Variants in ZFP28 observed in about 807,000 individuals in gnomAD.
ZFP28 encodes the protein zinc finger protein 28 homolog.
Under a neutral mutation model 39.5 loss-of-function variants are expected in ZFP28, and 31 were observed. The ratio of observed to expected loss-of-function variants is 0.79; its 90% CI spans 0.59 to 1.06. The LOEUF (loss-of-function observed/expected upper bound fraction) is 1.06, where lower values mean the gene tolerates loss of function less well. Ranked by LOEUF, ZFP28 falls within the 50% of genes least tolerant of loss-of-function variation. ZFP28 has a pLI of 0.00. For missense variants in ZFP28, 925 were observed against 1,048.4 expected, an observed-to-expected ratio of 0.88 and a Z score of 1.63; for synonymous variants, 400 against 378.6, an observed-to-expected ratio of 1.06 and a Z score of -0.66.
chr19:56,555,091 G>T lies in ZFP28; in HGVS notation c.2306G>T (p.Arg769Leu). Residue 769 changes from arginine (R) to leucine (L), a missense_variant, in exon 8 of 8, where the codon CGT (arginine) becomes CTT (leucine). Arg to Leu is a moderately radical substitution (Grantham distance 102, BLOSUM62 -2). This residue lies in a region of ZFP28 where 369 missense variants were observed against 505.5 expected (regional missense o/e 0.73). Coordinates refer to ENST00000301318, the MANE Select transcript of ZFP28 (RefSeq NM_020828.2). The stretch of plus-strand genomic sequence containing the variant: ...GTGTGTGGCAAAGCCTTTAGTCATC[G>T]TCAATCCCTTAGTGTACATCAGAGA... ...CSVCGKAFSH[R>L]QSLSVHQRIH... is the part of the protein sequence containing the mutation. The T allele has an allele frequency of 2.5e-6, 4 of 1,614,168 alleles. No individual in the cohort carries two copies. Among genetic ancestry groups the T allele is most frequent in the Non-Finnish European group, 1.7e-6 (2 of 1,180,024 alleles).
Position 56,550,164 on chromosome 19 carries a change from G to A in ZFP28, c.785G>A (p.Ser262Asn). 1 of 1,611,694 alleles carries A rather than the reference G, an allele frequency of 6.2e-7. No individual in the cohort carries two copies. ...AAGAATGGGATATGGGAGAACAACAGTGACCTGGGATCAGCAGGTAAGGAT... is the reference window on the plus strand; with the variant it reads ...AAGAATGGGATATGGGAGAACAACAATGACCTGGGATCAGCAGGTAAGGAT... The part of the protein sequence containing the change: ...FCKNGIWENN[S>N]DLGSAGHCVA... Residue 262 changes from serine to asparagine, a missense_variant, in exon 6 of 8, where the codon AGT becomes AAT. This residue lies in a region of ZFP28 where 556 missense variants were observed against 542.9 expected (regional missense o/e 1.02). Transcript: ENST00000301318.
chr19:56,554,089 T>G lies in ZFP28; in HGVS notation c.1304T>G (p.Leu435Arg). The G allele has an allele frequency of 1.2e-6, 2 of 1,614,230 alleles. No homozygotes were observed. The highest frequency in any genetic ancestry group is 8.5e-7 in the Non-Finnish European group (1 of 1,180,040). The change falls in exon 8 of 8, where the codon CTT (leucine) becomes CGT (arginine). Residue 435 changes from leucine (L) to arginine (R), a missense_variant. This residue lies in a region of ZFP28 where 556 missense variants were observed against 542.9 expected (regional missense o/e 1.02). Coordinates refer to ENST00000301318, the MANE Select transcript of ZFP28 (RefSeq NM_020828.2). This position sits in a 1 kb window ranked among gnomAD's most constrained non-coding sequence, Gnocchi z 6.7. ...CKKTFTQSSS[L>R]TVHQRIHTGE... The stretch of plus-strand genomic sequence containing the variant: ...AAAACTTTTACCCAGAGCTCATCTC[T>G]TACTGTTCATCAGAGAATTCACACT...
At chr19:56,538,312 G>C (rs1037988675), upstream of ZFP28, 1 of 152,458 alleles carries the variant, frequency 6.6e-6, no homozygotes, top group Admixed American at 6.5e-5. Flanking sequence ...CTTCCCGGTC[G>C]GCAGTGACGC....
chr19:56,541,684 C>G (rs2044196400), intron 2 of ZFP28, among the ~76,000 whole-genome samples: 4 of 151,986 alleles, frequency 2.6e-5, no homozygotes, highest in Admixed American at 2.6e-4. Context: ...AATTTCAGAG[C>G]CTCCTACCTG....
intron 2 of ZFP28, among the ~76,000 whole-genome samples, chr19:56,540,850 T>G (rs1318057800): frequency 1.3e-5 from 2 of 152,206 alleles, no homozygotes; most frequent in Non-Finnish European, 2.9e-5. Context: ...TTTTTTCCCT[T>G]GGCTACTGGG....
chr19:56,550,260 A>AG, intron 6 of ZFP28, 79 bp downstream of exon 6: 1 of 1,359,644 alleles, frequency 7.4e-7, no homozygotes, highest in Non-Finnish European at 1.0e-6. Context: ...ATTATGGAGG[A>AG]GGGAGGGGGT....
chr19:56,551,010 T>C (rs970102637), intron 7 of ZFP28: 10 of 1,274,278 alleles, frequency 7.8e-6, no homozygotes, highest in Middle Eastern at 3.0e-4. Flanking sequence ...CTGCTGAGTA[T>C]TGGCAGGCGA....
At chr19:56,550,794 C>T in intron 7 of ZFP28, 189 bp downstream of exon 7, 7 of 1,514,648 alleles carry the variant, frequency 4.6e-6, no homozygotes, top group Non-Finnish European at 5.3e-6. Context: ...TCTCCAGTAA[C>T]TGCCATTTCC....
chr19:56,555,004 CA>C lies in ZFP28; in HGVS notation c.2223del (p.Lys741AsnfsTer88). 6.2e-7 allele frequency: 1 copy of C among 1,614,082 alleles called. No homozygotes were observed. Among genetic ancestry groups the C allele is most frequent in the Non-Finnish European group, 8.5e-7 (1 of 1,180,020 alleles). ...ECIECGKAFK[T>X]KSSLICHRRS... ...ATTGAGTGTGGAAAGGCATTCAAGA[CA>C]AAATCCTCCCTTATTTGTCATCGCA... On this transcript the variant is annotated frameshift_variant, in exon 8 of 8. Coordinates refer to ENST00000301318, the MANE Select transcript of ZFP28 (RefSeq NM_020828.2). LOFTEE classifies it low-confidence loss of function (END_TRUNC).
Position 56,547,676 on chromosome 19 carries a change from C to G in ZFP28, c.427+42C>G, listed in dbSNP as rs756650522. 2 of 1,586,840 alleles carry G rather than the reference C, an allele frequency of 1.3e-6. No individual in the cohort carries two copies. Among genetic ancestry groups the G allele is most frequent in the East Asian group, 4.5e-5 (2 of 44,670 alleles). The stretch of plus-strand genomic sequence containing the variant: ...CTTTTCCCACCCCTCACCCTACCCA[C>G]GTCCTGGACTAAGAAGCCTTTCATG... On this transcript the variant is annotated intron_variant, in intron 3 of 7. Coordinates refer to ENST00000301318, the MANE Select transcript of ZFP28 (RefSeq NM_020828.2). The surrounding 1 kb of genome is among the most constrained non-coding windows in gnomAD (Gnocchi z 4.6).
At chr19:56,544,729 T>C (rs1248633468) in intron 2 of ZFP28, 3 of 152,240 alleles carry the variant, frequency 2.0e-5, no homozygotes, top group African/African-American at 7.2e-5. Context: ...AATAAGCTAA[T>C]ATATAAGTAT....
chr19:56,542,787 A>T (rs1346638503), intron 2 of ZFP28, among the ~76,000 whole-genome samples: 2 of 151,884 alleles, frequency 1.3e-5, no homozygotes, highest in East Asian at 3.9e-4. Flanking sequence ...GCTTTTAGAG[A>T]CAGGGTCTCA....
Position 56,554,465 on chromosome 19 carries a change from A to G in ZFP28, c.1680A>G (p.Pro560=). 1.2e-6 allele frequency: 2 copies of G among 1,614,220 alleles called. No individual in the cohort carries two copies. Among genetic ancestry groups the G allele is most frequent in the South Asian group, 1.1e-5 (1 of 91,086 alleles). ...VHQRIHTGEK[P]YECDVCRKAF... ...AAAGGATTCATACCGGAGAAAAACC[A>G]TATGAATGTGATGTTTGCAGAAAAG... The change falls in exon 8 of 8, where the codon CCA becomes CCG. Residue 560 remains proline, a synonymous_variant. Transcript: ENST00000301318. This position sits in a 1 kb window ranked among gnomAD's most constrained non-coding sequence, Gnocchi z 6.7.
At position 56,555,675 on chromosome 19, in the gene ZFP28, A is replaced by G. The variant is rs907882644; in HGVS notation, c.*283A>G. On this transcript the variant is annotated 3_prime_UTR_variant, in exon 8 of 8. Coordinates refer to ENST00000301318, the MANE Select transcript of ZFP28 (RefSeq NM_020828.2). ...AGTAGTCAGCTCTGATAAAAAAATG[A>G]TGCAGTAGGGTGAGGGTAGGAAAAA... 12 of 343,378 alleles carry G rather than the reference A, an allele frequency of 3.5e-5. No individual in the cohort carries two copies. In the Admixed American group the frequency reaches 5.3e-4, roughly 15 times the overall value. The allele number at this position is 343,378 out of a possible 1,614,324, so 21.3% of individuals were successfully genotyped here.
In ZFP28 at chr19:56,539,092, C is replaced by G; in HGVS notation, c.74C>G (p.Pro25Arg). 1 of 1,540,816 alleles carries G rather than the reference C, an allele frequency of 6.5e-7. No homozygotes were observed. The highest frequency in any genetic ancestry group is 8.7e-7 in the Non-Finnish European group (1 of 1,149,112). The change falls in exon 1 of 8, where the codon CCC becomes CGC. Residue 25 changes from proline to arginine, a missense_variant. Pro to Arg is a moderately radical substitution (Grantham distance 103). Coordinates refer to ENST00000301318, the MANE Select transcript of ZFP28 (RefSeq NM_020828.2). Reference sequence around the variant, plus strand: ...GGTAGAGGCGCCCCCCGCACAAAGCCCCGGGCGGGCCGAGGCCCGACTGTA... The same window carrying G: ...GGTAGAGGCGCCCCCCGCACAAAGCGCCGGGCGGGCCGAGGCCCGACTGTA... ...LPGRGAPRTK[P>R]RAGRGPTVGT...
rs1466843509 is a variant in ZFP28 at position 56,556,721 on chromosome 19, T to C, written c.*1329T>C. 1 of 152,056 alleles carries C rather than the reference T, an allele frequency of 6.6e-6. No homozygotes were observed. Among genetic ancestry groups the C allele is most frequent in the Non-Finnish European group, 1.5e-5 (1 of 68,006 alleles). The allele number at this position is 152,056 out of a possible 1,614,324, so 9.4% of individuals were successfully genotyped here. On this transcript the variant is annotated 3_prime_UTR_variant, in exon 8 of 8. Transcript: ENST00000301318. ...GAAAACAAATGATAAAGGAACTCAT[T>C]TATCAATAGAGGTGAAAGGAAATTA... is the stretch of plus-strand genomic sequence containing the variant.
At chr19:56,539,804 T>A in intron 2 of ZFP28, 88 bp downstream of exon 2, 1 of 1,228,998 alleles carries the variant, frequency 8.1e-7, no homozygotes, top group Non-Finnish European at 1.2e-6. Flanking sequence ...GTTTTCAGTT[T>A]AAGAGACCTG....
intron 2 of ZFP28, among the ~76,000 whole-genome samples, chr19:56,542,373 C>T (rs1449553964): frequency 1.3e-5 from 2 of 152,152 alleles, no homozygotes; most frequent in Admixed American, 6.5e-5. Context: ...AGGCTGGTCT[C>T]GAACTCCTGG....
rs985714465 is a variant in ZFP28, at chr19:56,547,585, C to T, written c.378C>T (p.Asn126=). ...EWEWLNPIQR[N]LYRKVMLENY... Reference sequence around the variant, plus strand: ...AGTGGCTGAACCCCATTCAGAGGAACTTGTACAGGAAGGTGATGTTGGAGA... The same window carrying T: ...AGTGGCTGAACCCCATTCAGAGGAATTTGTACAGGAAGGTGATGTTGGAGA... Residue 126 remains asparagine (N), a synonymous_variant, in exon 3 of 8, where the codon AAC becomes AAT. Transcript: ENST00000301318. The surrounding 1 kb of genome is among the most constrained non-coding windows in gnomAD (Gnocchi z 4.6). 2 of 1,613,844 alleles carry T rather than the reference C, an allele frequency of 1.2e-6. No individual in the cohort carries two copies. Among genetic ancestry groups the T allele is most frequent in the Non-Finnish European group, 1.7e-6 (2 of 1,179,848 alleles).
Sources: gnomAD v4.1 joint callset for allele counts (sites outside exome capture counted in the v4.1 genomes callset) on GRCh38, gnomAD v4.1.1 for gene constraint, gnomAD v4.1.1 regional missense constraint, Gnocchi (gnomAD v3.1) non-coding constraint, MANE v1.5 for transcripts, NCBI Gene and HGNC (gene_info 2026-07-23, HGNC 2026-07-21) for gene names.